TRPM2: variants seen among roughly 807,000 people sequenced by gnomAD.
The protein encoded by TRPM2 is transient receptor potential cation channel subfamily M member 2, also known as estrogen-responsive element-associated gene 1 protein.
A neutral mutation model predicts 174.0 loss-of-function variants in TRPM2; 161 were observed. The observed-to-expected ratio is 0.93, with a 90% CI of 0.81 to 1.05. TRPM2 has a LOEUF of 1.05. Among genes scored for constraint, TRPM2 ranks in the 50% least tolerant of loss-of-function variants. The probability of loss-of-function intolerance (pLI) is 0.00; values close to 1 mark genes in which losing one functional copy is unlikely to be tolerated. For missense variants in TRPM2, 2,057 were observed against 2,038.0 expected, an observed-to-expected ratio of 1.01 and a Z score of -0.18; for synonymous variants, 954 against 861.3, an observed-to-expected ratio of 1.11 and a Z score of -1.88.
At position 44,374,690 on chromosome 21, in the gene TRPM2, C is replaced by T. The variant is rs45612739; in HGVS notation, c.772-1143C>T. 8.3e-3 allele frequency among the ~76,000 whole-genome samples: 1,269 copies of T among 152,198 alleles called. 23 individuals carry two copies. The highest frequency in any genetic ancestry group is 0.028 in the African/African-American group (1,158 of 41,508). On this transcript the variant is annotated intron_variant, in intron 5 of 31. Transcript: ENST00000397928. ...TTAGTATTCCCATGAGAATCTAATG[C>T]CGCGGATCTGACAGGAGGTGGAGCT... is the stretch of plus-strand genomic sequence containing the variant.
chr21:44,386,143 T>C (rs903548035), intron 9 of TRPM2, among the ~76,000 whole-genome samples: 2 of 152,162 alleles, frequency 1.3e-5, no homozygotes, highest in African/African-American at 4.8e-5. Flanking sequence ...CTCAGCACTT[T>C]GGGAGGCGGA....
intron 5 of TRPM2, 148 bp downstream of exon 5, chr21:44,369,491 G>T (rs865858691): frequency 4.4e-6 from 4 of 908,562 alleles, no homozygotes; most frequent in Non-Finnish European, 4.7e-6. Context: ...GGAGTGTGCG[G>T]GGGCCGGGGT....
chr21:44,350,756 G>T (rs1294055043), upstream of TRPM2, among the ~76,000 whole-genome samples: 1 of 152,012 alleles, frequency 6.6e-6, no homozygotes, highest in African/African-American at 2.4e-5. Context: ...CCCAGTGTGC[G>T]CAGAGGCGCG....
At chr21:44,425,113 C>T (rs2050706687) in intron 24 of TRPM2, 174 bp downstream of exon 24, 11 of 618,780 alleles carry the variant, frequency 1.8e-5, no homozygotes, top group South Asian at 4.2e-5. Context: ...CACCCACCGA[C>T]GCTGGCGCCG....
In TRPM2 at chr21:44,439,228, C is replaced by T. The variant is rs1034405795; in HGVS notation, c.4269+60C>T. 12 of 1,483,192 alleles carry T rather than the reference C, an allele frequency of 8.1e-6. No individual in the cohort carries two copies. In the African/African-American group the frequency reaches 1.7e-4, roughly 21 times the overall value. 91.9% of individuals were successfully genotyped at this position (1,483,192 alleles called of 1,614,324 possible). A position where few individuals can be genotyped will look rare whatever the true frequency, so the allele number is the denominator to read the frequency against. Reference sequence around the variant, plus strand: ...TGTCCCCAGGGCTGCAGGACAAACACAGTGTGATACTGGGGACCTGCCCCA... The same window carrying T: ...TGTCCCCAGGGCTGCAGGACAAACATAGTGTGATACTGGGGACCTGCCCCA... On this transcript the variant is annotated intron_variant, in intron 30 of 31. Coordinates refer to ENST00000397928, the MANE Select transcript of TRPM2 (RefSeq NM_003307.4). The surrounding 1 kb of genome is among the most constrained non-coding windows in gnomAD (Gnocchi z 5.1).
At chr21:44,389,462 A>G (rs1408252647) in intron 9 of TRPM2, among the ~76,000 whole-genome samples, 3 of 152,200 alleles carry the variant, frequency 2.0e-5, no homozygotes, top group Non-Finnish European at 4.4e-5. Context: ...TTTACTTTGT[A>G]AAAAACTGAC....
At chr21:44,423,524 G>T (rs2050626241) in intron 22 of TRPM2, 121 bp from the exon 23 acceptor site, 1 of 795,964 alleles carries the variant, frequency 1.3e-6, no homozygotes, top group Non-Finnish European at 2.1e-6. Flanking sequence ...ATATTAAGAG[G>T]AAGCAAAGGC....
intron 5 of TRPM2, among the ~76,000 whole-genome samples, chr21:44,371,896 GC>G (rs2048552354): frequency 6.6e-6 from 1 of 152,188 alleles, no homozygotes. Context: ...ACATTGGGAG[GC>G]TGAGATGGGC....
At chr21:44,378,175 G>A (rs947245859) in intron 7 of TRPM2, among the ~76,000 whole-genome samples, 5 of 152,222 alleles carry the variant, frequency 3.3e-5, no homozygotes, top group Admixed American at 1.3e-4. Flanking sequence ...TCCCAGATCC[G>A]TGGTGCCAGC....
rs753224863 is a variant in TRPM2 at position 44,399,475 on chromosome 21, G to GC, written c.2208+36dup. 6.3e-7 allele frequency: 1 copy of GC among 1,592,030 alleles called. No homozygotes were observed. On this transcript the variant is annotated intron_variant, in intron 14 of 31. Coordinates refer to ENST00000397928, the MANE Select transcript of TRPM2 (RefSeq NM_003307.4). The surrounding 1 kb of genome is among the most constrained non-coding windows in gnomAD (Gnocchi z 4.6). ...CCAAGAGCCCCTTCCAGAAACAGAC[G>GC]CCTGTGGTGCCTGCAGGGCGGACAC...
At chr21:44,436,591 ACCC>A in intron 28 of TRPM2, among the ~76,000 whole-genome samples, 1 of 62,576 alleles carries the variant, frequency 1.6e-5, no homozygotes, top group African/African-American at 6.8e-5. Flanking sequence ...CCCCATGTCA[ACCC>A]TGGGCTGCAC....
chr21:44,414,164 A>C (rs925203138), intron 20 of TRPM2, 90 bp downstream of exon 20: 1 of 1,494,652 alleles, frequency 6.7e-7, no homozygotes, highest in African/African-American at 1.4e-5. Flanking sequence ...GGTCTCGTGG[A>C]CAGTGTGGAT....
chr21:44,418,645 G>A, intron 22 of TRPM2, 90 bp downstream of exon 22: 1 of 1,519,368 alleles, frequency 6.6e-7, no homozygotes, highest in Non-Finnish European at 9.0e-7. Flanking sequence ...TCCCACCTGG[G>A]GAGGCCCAGC....
intron 11 of TRPM2, among the ~76,000 whole-genome samples, chr21:44,393,726 T>G (rs577664643): frequency 1.3e-5 from 2 of 152,046 alleles, no homozygotes; most frequent in African/African-American, 4.8e-5. Context: ...ATTATTTTTC[T>G]GTTTAGGTTC....
intron 19 of TRPM2, among the ~76,000 whole-genome samples, chr21:44,412,903 T>C (rs1441397777): frequency 6.6e-6 from 1 of 152,144 alleles, no homozygotes; most frequent in African/African-American, 2.4e-5. Flanking sequence ...ACATTCAAAA[T>C]AGGTTTGATT....
chr21:44,371,778 C>G (rs906803244), intron 5 of TRPM2, among the ~76,000 whole-genome samples: 1 of 152,196 alleles, frequency 6.6e-6, no homozygotes, highest in African/African-American at 2.4e-5. Context: ...CAGCCAACTG[C>G]GGTCCTCCCT....
intron 1 of TRPM2, 117 bp downstream of exon 1, chr21:44,353,982 G>C: frequency 7.9e-7 from 1 of 1,270,198 alleles, no homozygotes; most frequent in East Asian, 2.9e-5. Flanking sequence ...GACCTTGGGG[G>C]CTCCTGCCCA....
chr21:44,393,632 G>A (rs549307047), intron 11 of TRPM2, among the ~76,000 whole-genome samples: 30 of 151,546 alleles, frequency 2.0e-4, no homozygotes, highest in African/African-American at 6.5e-4. Context: ...AAGCTTGGTC[G>A]ACTCCCCTGT....
At chr21:44,413,536 C>T (rs369676288) in intron 19 of TRPM2, among the ~76,000 whole-genome samples, 1 of 152,206 alleles carries the variant, frequency 6.6e-6, no homozygotes, top group African/African-American at 2.4e-5. Context: ...AGCCACTGCT[C>T]CTGGCCTTTC....
Sources: gnomAD v4.1 joint callset for allele counts (sites outside exome capture counted in the v4.1 genomes callset) on GRCh38, gnomAD v4.1.1 for gene constraint, Gnocchi (gnomAD v3.1) non-coding constraint, MANE v1.5 for transcripts, NCBI Gene and HGNC (gene_info 2026-07-23, HGNC 2026-07-21) for gene names.